The following CETN2 variants were observed in gnomAD, a reference collection of about 807,000 sequenced individuals.
The protein encoded by CETN2 is centrin 2.
Under a neutral mutation model 12.6 loss-of-function variants are expected in CETN2, and 2 were observed. That is an observed-to-expected ratio of 0.16 (90% CI 0.07 to 0.50). The LOEUF (loss-of-function observed/expected upper bound fraction) is 0.50. Ranked by LOEUF, CETN2 falls within the 20% of genes least tolerant of loss-of-function variation. CETN2 has a pLI of 0.96. For missense variants in CETN2, 81 were observed against 128.3 expected (o/e 0.63, Z 1.78); for synonymous variants, 41 against 43.4 (o/e 0.94, Z 0.22).
intron 3 of CETN2, 31 bp downstream of exon 3, chrX:152,829,117 TC>T (rs781978644): frequency 2.6e-5 from 31 of 1,202,935 alleles, no homozygotes; most frequent in Non-Finnish European, 3.4e-5. Flanking sequence ...TGACTGGGGC[TC>T]CATACCATGA....
chrX:152,827,670 G>A lies in CETN2; in HGVS notation c.*171C>T. ...TTCGCAGGTCATTTTACAAAGAACT[G>A]TAATATCAAAGAACACTTCCAAACG... On this transcript the variant is annotated 3_prime_UTR_variant, in exon 5 of 5. Transcript: ENST00000370277. The A allele has an allele frequency of 2.6e-6, 1 of 390,249 alleles. No homozygotes were observed. Among genetic ancestry groups the A allele is most frequent in the South Asian group, 6.2e-5 (1 of 16,073 alleles). 32.2% of individuals were successfully genotyped at this position (390,249 alleles called of 1,213,427 possible).
intron 3 of CETN2, 97 bp downstream of exon 3, chrX:152,829,052 C>G: frequency 1.9e-6 from 2 of 1,031,824 alleles, no homozygotes; most frequent in East Asian, 6.2e-5. Flanking sequence ...GCTACCTGGA[C>G]TGCTCTGTGG....
At chrX:152,829,816 C>T (rs1932986669) in intron 1 of CETN2, 56 bp from the exon 2 acceptor site, 14 of 951,973 alleles carry the variant, frequency 1.5e-5, no homozygotes, top group Non-Finnish European at 2.0e-5. Flanking sequence ...TCCATATTTA[C>T]ATAACATAGT....
chrX:152,830,718 G>A lies in CETN2; in HGVS notation c.-8C>T, dbSNP rs1404614879. ...AGCGGCAGCACTCACCATAGCCAAA[G>A]GAGTCCGCTGCCGGTTGTTAGGCAA... On this transcript the variant is annotated 5_prime_UTR_variant, in exon 1 of 5. Transcript: ENST00000370277. The A allele has an allele frequency of 1.7e-6, 2 of 1,174,022 alleles. No homozygotes were observed. Among genetic ancestry groups the A allele is most frequent in the Non-Finnish European group, 2.3e-6 (2 of 876,766 alleles).
intron 3 of CETN2, 97 bp downstream of exon 3, chrX:152,829,052 C>T: frequency 9.7e-7 from 1 of 1,031,823 alleles, no homozygotes; most frequent in East Asian, 3.1e-5. Flanking sequence ...GCTACCTGGA[C>T]TGCTCTGTGG....
rs782648698 is a variant in CETN2, at chrX:152,827,157, C to CA, written c.*683dup. Reference sequence around the variant, plus strand: ...AAATTCTGCTAGTTTTACAAACCAGCAGCCTTCCAAGGCAAAAAGCAATTC... The same window carrying CA: ...AAATTCTGCTAGTTTTACAAACCAGCAAGCCTTCCAAGGCAAAAAGCAATTC... On this transcript the variant is annotated 3_prime_UTR_variant, in exon 5 of 5. Coordinates refer to ENST00000370277, the MANE Select transcript of CETN2 (RefSeq NM_004344.3). The CA allele has an allele frequency of 1.8e-5, 2 of 112,571 alleles. No individual in the cohort carries two copies. The highest frequency in any genetic ancestry group is 6.5e-5 in the African/African-American group (2 of 30,997). 9.3% of individuals were successfully genotyped at this position (112,571 alleles called of 1,213,427 possible).
At chrX:152,830,583 A>C in intron 1 of CETN2, 125 bp downstream of exon 1, 8 of 835,926 alleles carry the variant, frequency 9.6e-6, no homozygotes, top group South Asian at 2.7e-5. Flanking sequence ...CTCCCGGGAA[A>C]GAGCTCAAAG....
intron 2 of CETN2, 127 bp downstream of exon 2, chrX:152,829,475 C>T: frequency 1.1e-6 from 1 of 905,331 alleles, no homozygotes. Flanking sequence ...GAAAACAGCA[C>T]AGTACAACCT....
intron 3 of CETN2, 27 bp from the exon 4 acceptor site, chrX:152,828,701 G>A: frequency 8.4e-7 from 1 of 1,188,285 alleles, no homozygotes; most frequent in Non-Finnish European, 1.1e-6. Context: ...TAAAACACAT[G>A]AGTAGGGGGA....
At chrX:152,830,521 A>G (rs1267677431) in intron 1 of CETN2, among the ~76,000 whole-genome samples, 187 bp downstream of exon 1, 2 of 112,856 alleles carry the variant, frequency 1.8e-5, no homozygotes, top group African/African-American at 6.4e-5. Flanking sequence ...GGTGAAGAGG[A>G]GGCAGCAGCG....
chrX:152,828,049 C>T, intron 4 of CETN2, 119 bp from the exon 5 acceptor site: 1 of 554,203 alleles, frequency 1.8e-6, no homozygotes, highest in Non-Finnish European at 2.9e-6. Flanking sequence ...TCTCAAATTC[C>T]TGGCCACAAG....
Position 152,827,873 on chromosome X carries a change from G to T in CETN2, c.487C>A (p.Leu163Met). ...GDGEVSEQEF[L>M]RIMKKTSLY ...AGGCTGGTCTTTTTCATGATGCGCA[G>T]GAACTCTTGCTCACTGACCTCTCCA... The change falls in exon 5 of 5, where the codon CTG becomes ATG. Residue 163 changes from leucine (L) to methionine (M), a missense_variant. Transcript: ENST00000370277. The T allele has an allele frequency of 8.3e-7, 1 of 1,210,379 alleles. No individual in the cohort carries two copies.
chrX:152,829,227 T>C lies in CETN2; in HGVS notation c.213A>G (p.Lys71=). 1.7e-6 allele frequency: 2 copies of C among 1,203,682 alleles called. No homozygotes were observed. The highest frequency in any genetic ancestry group is 2.2e-6 in the Non-Finnish European group (2 of 892,697). ...CTTCCTTATCAATTTCACTTATCAT[T>C]TTCTTAATTTCTTCTTTCTTGGGTT... ...GFEPKKEEIK[K]MISEIDKEGT... The change falls in exon 3 of 5, where the codon AAA becomes AAG. Residue 71 remains lysine (K), a synonymous_variant. Transcript: ENST00000370277.
chrX:152,827,831 G>A lies in CETN2; in HGVS notation c.*10C>T. The A allele has an allele frequency of 8.4e-7, 1 of 1,192,775 alleles. No homozygotes were observed. Among genetic ancestry groups the A allele is most frequent in the Non-Finnish European group, 1.1e-6 (1 of 879,101 alleles). The stretch of plus-strand genomic sequence containing the variant: ...ACATGTGCTTGCAGTAGAAAAAGAA[G>A]ACACTGATCTTAATAGAGGCTGGTC... On this transcript the variant is annotated 3_prime_UTR_variant, in exon 5 of 5. Coordinates refer to ENST00000370277, the MANE Select transcript of CETN2 (RefSeq NM_004344.3).
chrX:152,828,279 G>A (rs1190251239), intron 4 of CETN2, among the ~76,000 whole-genome samples: 2 of 112,197 alleles, frequency 1.8e-5, no homozygotes, highest in Non-Finnish European at 3.8e-5. Flanking sequence ...TATCACCTGG[G>A]AGGGACCTTG....
At chrX:152,830,015 A>C (rs1190016593) in intron 1 of CETN2, among the ~76,000 whole-genome samples, 1 of 111,711 alleles carries the variant, frequency 9.0e-6, no homozygotes, top group East Asian at 2.8e-4. Context: ...CCTCTTACTG[A>C]AAATCATCCC....
At chrX:152,828,939 T>C (rs1433114211) in intron 3 of CETN2, 1 of 454,501 alleles carries the variant, frequency 2.2e-6, no homozygotes, top group Non-Finnish European at 3.7e-6. Flanking sequence ...TTTGGAATTC[T>C]GTGGGAAGAG....
At chrX:152,828,780 C>A (rs1483826461) in intron 3 of CETN2, 106 bp from the exon 4 acceptor site, 12 of 798,019 alleles carry the variant, frequency 1.5e-5, no homozygotes, top group African/African-American at 2.1e-5. Context: ...TCCTTTTTAA[C>A]AATGTAACTC....
In CETN2 at chrX:152,828,578, C is replaced by A; in HGVS notation, c.388G>T (p.Ala130Ser). The A allele has an allele frequency of 8.3e-7, 1 of 1,211,387 alleles. No individual in the cohort carries two copies. Among genetic ancestry groups the A allele is most frequent in the South Asian group, 1.8e-5 (1 of 56,932 alleles). Residue 130 changes from alanine to serine, a missense_variant, in exon 4 of 5, where the codon GCC becomes TCC. Ala to Ser is a moderately conservative substitution (Grantham distance 99). Coordinates refer to ENST00000370277, the MANE Select transcript of CETN2 (RefSeq NM_004344.3). Reference sequence around the variant, plus strand: ...GTCAGGTTCTCACCCAACTCCTTGGCCACGCGTTTCAGATTTTTGAACGAA... The same window carrying A: ...GTCAGGTTCTCACCCAACTCCTTGGACACGCGTTTCAGATTTTTGAACGAA... ...KISFKNLKRV[A>S]KELGENLTDE...
Sources: gnomAD v4.1 joint callset for allele counts (sites outside exome capture counted in the v4.1 genomes callset) on GRCh38, gnomAD v4.1.1 for gene constraint, MANE v1.5 for transcripts, NCBI Gene and HGNC (gene_info 2026-07-23, HGNC 2026-07-21) for gene names.